The following FCHSD2 variants were observed in gnomAD, a reference collection of about 807,000 sequenced individuals.
The protein encoded by FCHSD2 is FCH and double SH3 domains 2.
Under a neutral mutation model 108.1 loss-of-function variants are expected in FCHSD2, and 38 were observed. The observed-to-expected ratio is 0.35, with a 90% CI of 0.27 to 0.46. FCHSD2 has a LOEUF of 0.46. Among genes scored for constraint, FCHSD2 ranks in the 20% least tolerant of loss-of-function variants. The pLI is 1.00. For synonymous variants in FCHSD2, 279 were observed against 314.7 expected (o/e 0.89, Z 1.20); for missense variants, 751 against 897.8 (o/e 0.84, Z 2.09).
chr11:72,885,631 A>C (rs967617028), intron 12 of FCHSD2, among the ~76,000 whole-genome samples: 2 of 152,176 alleles, frequency 1.3e-5, no homozygotes, highest in Admixed American at 1.3e-4. Flanking sequence ...AATACCCCTC[A>C]GAAAACCTCT....
intron 8 of FCHSD2, among the ~76,000 whole-genome samples, chr11:72,975,011 A>T (rs1591448998): frequency 6.6e-6 from 1 of 152,328 alleles, no homozygotes; most frequent in African/African-American, 2.4e-5. Context: ...ATATACGCCT[A>T]CATATGAATG....
chr11:73,017,702 A>C (rs572126291), intron 3 of FCHSD2, among the ~76,000 whole-genome samples: 6 of 152,184 alleles, frequency 3.9e-5, no homozygotes, highest in Admixed American at 3.3e-4. Context: ...GTAGTTTTTC[A>C]CCTCTGCACC....
rs1565339614 is a variant in FCHSD2 at position 72,954,196 on chromosome 11, A to AATTTTTTTTTTTTTTTT, written c.705+29891_705+29892insAAAAAAAAAAAAAAAAT. Among the ~76,000 whole-genome samples, 15 of 111,702 alleles carry AATTTTTTTTTTTTTTTT rather than the reference A, an allele frequency of 1.3e-4. 7 individuals are homozygous for AATTTTTTTTTTTTTTTT. Among genetic ancestry groups the AATTTTTTTTTTTTTTTT allele is most frequent in the African/African-American group, 1.7e-4 (5 of 29,398 alleles). 73.3% of individuals were successfully genotyped at this position (111,702 alleles called of 152,430 possible). A position where few individuals can be genotyped will look rare whatever the true frequency, so the allele number is the denominator to read the frequency against. ...TAGAATATTAGCAGTAGATGTGGGG[A>AATTTTTTTTTTTTTTTT]TTTTTTTTTTTTTTTTTTTTTTTTT... On this transcript the variant is annotated intron_variant, in intron 8 of 19. Transcript: ENST00000409418.
chr11:73,017,973 A>C (rs941005952), intron 3 of FCHSD2, among the ~76,000 whole-genome samples: 2 of 152,214 alleles, frequency 1.3e-5, no homozygotes, highest in African/African-American at 2.4e-5. Flanking sequence ...TTATATTGAG[A>C]TACAGTTCTT....
At chr11:73,055,089 T>C (rs947076104) in intron 3 of FCHSD2, among the ~76,000 whole-genome samples, 4 of 152,032 alleles carry the variant, frequency 2.6e-5, no homozygotes, top group Non-Finnish European at 5.9e-5. Context: ...GGCAAGAGAA[T>C]GAGTGCCAGG....
chr11:72,991,398 T>A (rs950004577), intron 5 of FCHSD2, among the ~76,000 whole-genome samples: 2 of 151,984 alleles, frequency 1.3e-5, no homozygotes, highest in African/African-American at 2.4e-5. Context: ...AGCCTGGCAG[T>A]GACACAACAA....
chr11:72,974,206 G>A (rs1857063017), intron 8 of FCHSD2, among the ~76,000 whole-genome samples: 1 of 152,166 alleles, frequency 6.6e-6, no homozygotes, highest in Non-Finnish European at 1.5e-5. Flanking sequence ...CCAGGTGTAG[G>A]GGCCTGTATC....
chr11:72,875,917 A>G (rs891282606), intron 12 of FCHSD2, among the ~76,000 whole-genome samples: 1 of 152,228 alleles, frequency 6.6e-6, no homozygotes, highest in Non-Finnish European at 1.5e-5. Flanking sequence ...TATGCTGATG[A>G]AAGACCACAT....
intron 5 of FCHSD2, among the ~76,000 whole-genome samples, chr11:72,991,650 C>T (rs1019584758): frequency 8.5e-5 from 13 of 152,056 alleles, no homozygotes; most frequent in African/African-American, 2.7e-4. Flanking sequence ...ACAGAACCAA[C>T]GACAAAAACC....
Position 72,843,265 on chromosome 11 carries a change from T to TC in FCHSD2, c.1590dup (p.Asn531GlufsTer47), listed in dbSNP as rs771927158. ...GACTGCAGCATGCTCAGGAGGCTGT[T>TC]CGAGGTGGGAAACTGTAGGTACTTT... On this transcript the variant is annotated frameshift_variant, in exon 16 of 20. Transcript: ENST00000409418. LOFTEE classifies it high-confidence loss of function. 1 of 1,614,018 alleles carries TC rather than the reference T, an allele frequency of 6.2e-7. No individual in the cohort carries two copies. The highest frequency in any genetic ancestry group is 8.5e-7 in the Non-Finnish European group (1 of 1,179,890).
intron 14 of FCHSD2, chr11:72,843,802 C>T (rs1268750505): frequency 2.8e-6 from 1 of 354,876 alleles, no homozygotes; most frequent in Non-Finnish European, 5.0e-6. Flanking sequence ...CTGGGCAACA[C>T]AGCGAGACCC....
At chr11:72,879,373 A>G (rs1172176645) in intron 12 of FCHSD2, among the ~76,000 whole-genome samples, 2 of 152,232 alleles carry the variant, frequency 1.3e-5, no homozygotes, top group South Asian at 2.1e-4. Flanking sequence ...AACAGTCACT[A>G]TGTCTAGATT....
chr11:73,088,521 G>C (rs921487546), intron 2 of FCHSD2, among the ~76,000 whole-genome samples: 4 of 151,892 alleles, frequency 2.6e-5, no homozygotes, highest in Non-Finnish European at 5.9e-5. Context: ...TCTGGGTCAT[G>C]GTATTATAGG....
intron 5 of FCHSD2, 103 bp from the exon 6 acceptor site, chr11:72,989,200 A>G: frequency 1.2e-6 from 1 of 848,994 alleles, no homozygotes; most frequent in Non-Finnish European, 1.8e-6. Flanking sequence ...ATGGAAATCC[A>G]GGGGAAAAGT....
intron 2 of FCHSD2, among the ~76,000 whole-genome samples, chr11:73,117,170 A>G (rs756936050): frequency 2.6e-5 from 4 of 152,220 alleles, no homozygotes; most frequent in Non-Finnish European, 5.9e-5. Context: ...TTCTACATGT[A>G]CTAACATATT....
At chr11:72,937,083 C>T (rs1357971747) in intron 8 of FCHSD2, among the ~76,000 whole-genome samples, 2 of 152,150 alleles carry the variant, frequency 1.3e-5, no homozygotes, top group Non-Finnish European at 2.9e-5. Context: ...AGGAGTTCTT[C>T]CTTAGCTGTG....
At chr11:73,119,076 T>C (rs544119502) in intron 2 of FCHSD2, among the ~76,000 whole-genome samples, 1 of 152,316 alleles carries the variant, frequency 6.6e-6, no homozygotes, top group African/African-American at 2.4e-5. Context: ...CCAAGGCAGA[T>C]GGATAGCTCA....
intron 3 of FCHSD2, among the ~76,000 whole-genome samples, chr11:73,043,026 C>T (rs1858677952): frequency 6.6e-6 from 1 of 152,080 alleles, no homozygotes; most frequent in Non-Finnish European, 1.5e-5. Flanking sequence ...TTCTCTTTTC[C>T]TATTTAGATG....
At chr11:73,098,604 GA>G (rs796831214) in intron 2 of FCHSD2, among the ~76,000 whole-genome samples, 7 of 146,206 alleles carry the variant, frequency 4.8e-5, no homozygotes, top group South Asian at 2.1e-4. Context: ...GATAGTCCAG[GA>G]AAAAAAAAAC....
Sources: gnomAD v4.1 joint callset for allele counts (sites outside exome capture counted in the v4.1 genomes callset) on GRCh38, gnomAD v4.1.1 for gene constraint, MANE v1.5 for transcripts, NCBI Gene and HGNC (gene_info 2026-07-23, HGNC 2026-07-21) for gene names.